CEACAM5: variants seen among roughly 807,000 people sequenced by gnomAD.
CEACAM5 encodes the protein cell adhesion molecule CEACAM5.
A neutral mutation model predicts 63.0 loss-of-function variants in CEACAM5; 52 were observed. That is an observed-to-expected ratio of 0.83 (90% CI 0.66 to 1.04). CEACAM5 has a LOEUF of 1.04. CEACAM5 is among the 50% of genes least tolerant of loss of function. CEACAM5 has a pLI of 0.00. For synonymous variants in CEACAM5, 357 were observed against 351.3 expected, an observed-to-expected ratio of 1.02 and a Z score of -0.18; for missense variants, 790 against 864.8, an observed-to-expected ratio of 0.91 and a Z score of 1.08.
chr19:41,714,655 G>C (rs562120597), intron 2 of CEACAM5, among the ~76,000 whole-genome samples: 9 of 152,350 alleles, frequency 5.9e-5, no homozygotes, highest in African/African-American at 1.9e-4. Flanking sequence ...GGGCCAAGTA[G>C]TCAACTGGTC....
rs1940863167 is a variant in CEACAM5 at position 41,718,191 on chromosome 19, G to A, written c.1301G>A (p.Ser434Asn). 5 of 1,614,148 alleles carry A rather than the reference G, an allele frequency of 3.1e-6. No individual in the cohort carries two copies. The South Asian group carries it at 5.5e-5, about 18-fold the overall frequency. The change falls in exon 6 of 10, where the codon AGC becomes AAC. Residue 434 changes from serine to asparagine, a missense_variant. Physicochemically the swap from Ser to Asn is conservative, Grantham distance 46. Transcript: ENST00000221992. ...TATTACCGTCCAGGGGTGAACCTCA[G>A]CCTCTCCTGCCATGCAGCCTCTAAC... ...YTYYRPGVNL[S>N]LSCHAASNPP...
At chr19:41,721,236 C>A in intron 8 of CEACAM5, 60 bp downstream of exon 8, 1 of 1,567,788 alleles carries the variant, frequency 6.4e-7, no homozygotes, top group African/African-American at 1.4e-5. Context: ...CTGGTTCTCA[C>A]CAAAGAGCCA....
rs782328991 is a variant in CEACAM5, at chr19:41,719,957, G to C, written c.1520G>C (p.Ser507Thr). ...GAGCTGCCCAAGCCCTCCATCTCCA[G>C]CAACAACTCCAAACCCGTGGAGGAC... ...SAELPKPSIS[S>T]NNSKPVEDKD... The change falls in exon 7 of 10, where the codon AGC becomes ACC. Residue 507 changes from serine (S) to threonine (T), a missense_variant. Physicochemically the swap from Ser to Thr is moderately conservative, Grantham distance 58 (BLOSUM62 1). Coordinates refer to ENST00000221992, the MANE Select transcript of CEACAM5 (RefSeq NM_004363.6). 1 of 1,614,192 alleles carries C rather than the reference G, an allele frequency of 6.2e-7. No homozygotes were observed. Among genetic ancestry groups the C allele is most frequent in the East Asian group, 2.2e-5 (1 of 44,880 alleles).
chr19:41,723,685 T>C (rs2113133), intron 8 of CEACAM5, among the ~76,000 whole-genome samples: 63,878 of 151,928 alleles, frequency 0.42, 14,614 homozygotes, highest in African/African-American at 0.61. Flanking sequence ...TGCACGGTGG[T>C]TCCTGTAATC....
intron 2 of CEACAM5, among the ~76,000 whole-genome samples, chr19:41,714,504 C>A (rs1485630638): frequency 1.3e-5 from 2 of 152,188 alleles, no homozygotes; most frequent in Non-Finnish European, 2.9e-5. Flanking sequence ...GGTTTAAGGA[C>A]AATGGGAAGA....
In CEACAM5 at chr19:41,715,221, C is replaced by G. The variant is rs782304728; in HGVS notation, c.675C>G (p.Arg225=). Residue 225 remains arginine, a synonymous_variant, in exon 3 of 10, where the codon CGC becomes CGG. Coordinates refer to ENST00000221992, the MANE Select transcript of CEACAM5 (RefSeq NM_004363.6). ...CCCAGAACCCAGTGAGTGCCAGGCGCAGTGATTCAGTCATCCTGAATGTCC... is the reference window on the plus strand; with the variant it reads ...CCCAGAACCCAGTGAGTGCCAGGCGGAGTGATTCAGTCATCCTGAATGTCC... ...CETQNPVSAR[R]SDSVILNVLY... The G allele has an allele frequency of 3.7e-6, 6 of 1,614,214 alleles. No homozygotes were observed. The Admixed American group carries it at 1.0e-4, about 27-fold the overall frequency.
chr19:41,714,053 A>T (rs1007897113), intron 2 of CEACAM5, among the ~76,000 whole-genome samples: 3 of 147,566 alleles, frequency 2.0e-5, no homozygotes, highest in Non-Finnish European at 4.6e-5. Context: ...CATCTCTACT[A>T]AAAATACAAA....
chr19:41,727,226 C>A lies in CEACAM5; in HGVS notation c.2027-8C>A. The A allele has an allele frequency of 6.2e-7, 1 of 1,606,838 alleles. No individual in the cohort carries two copies. Among genetic ancestry groups the A allele is most frequent in the Non-Finnish European group, 8.5e-7 (1 of 1,173,252 alleles). ...CCTTCTCTTTTCTTTCCATGACGGA[C>A]GATTCAGCATCTGGAACTTCTCCTG... On this transcript the variant is annotated splice_region_variant and splice_polypyrimidine_tract_variant and intron_variant, in intron 8 of 9. Coordinates refer to ENST00000221992, the MANE Select transcript of CEACAM5 (RefSeq NM_004363.6).
At chr19:41,716,490 C>T (rs1593086) in intron 4 of CEACAM5, among the ~76,000 whole-genome samples, 44,256 of 152,006 alleles carry the variant, frequency 0.29, 6,561 homozygotes, top group South Asian at 0.37. Flanking sequence ...AATCAAGCTG[C>T]CAATCAACAC....
rs751953805 is a variant in CEACAM5 at position 41,717,907 on chromosome 19, G to A, written c.1237+174G>A. Among the ~76,000 whole-genome samples, 109 of 152,206 alleles carry A rather than the reference G, an allele frequency of 7.2e-4. 1 individual carries two copies. The highest frequency in any genetic ancestry group is 1.4e-3 in the Non-Finnish European group (97 of 68,030). ...GGCCCAGTCCTGACCAAGAATAGGAGGGGAGGGTCTGCTCCTGTCCTGTAA... is the reference window on the plus strand; with the variant it reads ...GGCCCAGTCCTGACCAAGAATAGGAAGGGAGGGTCTGCTCCTGTCCTGTAA... On this transcript the variant is annotated intron_variant, in intron 5 of 9. Transcript: ENST00000221992.
chr19:41,716,229 G>A (rs903591275), intron 4 of CEACAM5, among the ~76,000 whole-genome samples: 7 of 152,232 alleles, frequency 4.6e-5, no homozygotes, highest in Non-Finnish European at 1.0e-4. Context: ...TCACCAATGT[G>A]TCCCTTTCTG....
chr19:41,717,715 G>A lies in CEACAM5; in HGVS notation c.1219G>A (p.Val407Ile), dbSNP rs1555815323. The A allele has an allele frequency of 1.2e-6, 2 of 1,614,084 alleles. No individual in the cohort carries two copies. Among genetic ancestry groups the A allele is most frequent in the Non-Finnish European group, 1.7e-6 (2 of 1,179,972 alleles). Reference protein sequence around the residue: ...NELSVDHSDPVILNVLYGPDD... With the variant: ...NELSVDHSDPIILNVLYGPDD... ...ATTAAGTGTTGACCACAGCGACCCAGTCATCCTGAATGTCCTCTGTGAGTA... is the reference window on the plus strand; with the variant it reads ...ATTAAGTGTTGACCACAGCGACCCAATCATCCTGAATGTCCTCTGTGAGTA... The change falls in exon 5 of 10, where the codon GTC becomes ATC. Residue 407 changes from valine to isoleucine, a missense_variant. By Grantham distance (29) the Val-to-Ile change is conservative (BLOSUM62 3). Coordinates refer to ENST00000221992, the MANE Select transcript of CEACAM5 (RefSeq NM_004363.6).
rs1600462407 is a variant in CEACAM5 at position 41,715,736 on chromosome 19, A to G, written c.790A>G (p.Asn264Asp). 6.2e-7 allele frequency: 1 copy of G among 1,614,122 alleles called. No individual in the cohort carries two copies. The highest frequency in any genetic ancestry group is 8.5e-7 in the Non-Finnish European group (1 of 1,180,024). ...GAACCTCTCCTGCCACGCAGCCTCTAACCCACCTGCACAGTACTCTTGGTT... is the reference window on the plus strand; with the variant it reads ...GAACCTCTCCTGCCACGCAGCCTCTGACCCACCTGCACAGTACTCTTGGTT... Reference protein sequence around the residue: ...NLNLSCHAASNPPAQYSWFVN... With the variant: ...NLNLSCHAASDPPAQYSWFVN... The change falls in exon 4 of 10, where the codon AAC becomes GAC. Residue 264 changes from asparagine to aspartate, a missense_variant. Physicochemically the swap from Asn to Asp is conservative, Grantham distance 23 (BLOSUM62 1). Transcript: ENST00000221992.
intron 4 of CEACAM5, among the ~76,000 whole-genome samples, chr19:41,716,593 C>T (rs1464836922): frequency 6.6e-6 from 1 of 152,208 alleles, no homozygotes; most frequent in Non-Finnish European, 1.5e-5. Flanking sequence ...GCTCTGATGT[C>T]ACCAGCTATA....
chr19:41,713,116 C>T lies in CEACAM5; in HGVS notation c.425-1855C>T, dbSNP rs571051152. Among the ~76,000 whole-genome samples, 39 of 152,232 alleles carry T rather than the reference C, an allele frequency of 2.6e-4. No individual in the cohort carries two copies. The South Asian group carries it at 6.4e-3, about 25-fold the overall frequency. On this transcript the variant is annotated intron_variant, in intron 2 of 9. Transcript: ENST00000221992. ...AGTCAAGAGATCAAGACCATCCTGG[C>T]CAACATGGTGAAACCCCGTCTCTAC...
rs1555815865 is a variant in CEACAM5 at position 41,720,096 on chromosome 19, C to T, written c.1659C>T (p.Asn553=). Residue 553 remains asparagine, a synonymous_variant, in exon 7 of 10, where the codon AAC becomes AAT. Coordinates refer to ENST00000221992, the MANE Select transcript of CEACAM5 (RefSeq NM_004363.6). Reference sequence around the variant, plus strand: ...CCAGGCTGCAGCTGTCCAATGGCAACAGGACCCTCACTCTATTCAATGTCA... The same window carrying T: ...CCAGGCTGCAGCTGTCCAATGGCAATAGGACCCTCACTCTATTCAATGTCA... ...VSPRLQLSNG[N]RTLTLFNVTR... 7 of 1,614,238 alleles carry T rather than the reference C, an allele frequency of 4.3e-6. No homozygotes were observed. Among genetic ancestry groups the T allele is most frequent in the Non-Finnish European group, 5.9e-6 (7 of 1,180,052 alleles).
chr19:41,714,081 G>C (rs2072479686), intron 2 of CEACAM5, among the ~76,000 whole-genome samples: 2 of 152,084 alleles, frequency 1.3e-5, no homozygotes, highest in Admixed American at 6.6e-5. Context: ...TGGGTGTGGT[G>C]GTGGGCGCCT....
chr19:41,715,259 T>A lies in CEACAM5; in HGVS notation c.703+10T>A, dbSNP rs1555814756. 1 of 1,614,192 alleles carries A rather than the reference T, an allele frequency of 6.2e-7. No individual in the cohort carries two copies. The highest frequency in any genetic ancestry group is 8.5e-7 in the Non-Finnish European group (1 of 1,180,034). On this transcript the variant is annotated intron_variant, in intron 3 of 9. Coordinates refer to ENST00000221992, the MANE Select transcript of CEACAM5 (RefSeq NM_004363.6). ...ATCCTGAATGTCCTCTGTGAGTATATCTGCTCCTCTCTGGCCCAGGCTGCC... is the reference window on the plus strand; with the variant it reads ...ATCCTGAATGTCCTCTGTGAGTATAACTGCTCCTCTCTGGCCCAGGCTGCC...
intron 8 of CEACAM5, among the ~76,000 whole-genome samples, chr19:41,723,942 CTG>C (rs2072662900): frequency 8.0e-6 from 1 of 124,624 alleles, no homozygotes; most frequent in Admixed American, 8.8e-5. Flanking sequence ...GAGCGAGACT[CTG>C]TCAAAAAAAA....
Sources: gnomAD v4.1 joint callset for allele counts (sites outside exome capture counted in the v4.1 genomes callset) on GRCh38, gnomAD v4.1.1 for gene constraint, MANE v1.5 for transcripts, NCBI Gene and HGNC (gene_info 2026-07-23, HGNC 2026-07-21) for gene names.